The following TDRD7 variants were observed in gnomAD, a reference collection of about 807,000 sequenced individuals.
TDRD7 encodes the protein tudor domain-containing protein 7.
In TDRD7, 47 loss-of-function variants were observed where a neutral mutation model predicts 109.8. The ratio of observed to expected loss-of-function variants is 0.43; its 90% CI spans 0.34 to 0.55. The LOEUF (loss-of-function observed/expected upper bound fraction) is 0.55, where lower values mean the gene tolerates loss of function less well. TDRD7 is among the 20% of genes least tolerant of loss of function. The probability of loss-of-function intolerance (pLI) is 0.03; values close to 1 mark genes in which losing one functional copy is unlikely to be tolerated. For missense variants in TDRD7, 1,164 were observed against 1,319.2 expected, an observed-to-expected ratio of 0.88 and a Z score of 1.82; for synonymous variants, 424 against 457.3, an observed-to-expected ratio of 0.93 and a Z score of 0.93.
At chr9:97,445,327 C>A (rs1828382395) in intron 6 of TDRD7, among the ~76,000 whole-genome samples, 1 of 152,118 alleles carries the variant, frequency 6.6e-6, no homozygotes, top group Non-Finnish European at 1.5e-5. Flanking sequence ...GTGTGCTAGC[C>A]ACTGACCTGG....
At position 97,432,066 on chromosome 9, in the gene TDRD7, A is replaced by G. The variant is rs200841827; in HGVS notation, c.391A>G (p.Asn131Asp). 1.7e-4 allele frequency: 281 copies of G among 1,613,858 alleles called. No individual in the cohort carries two copies. The East Asian group carries it at 5.9e-3, about 34-fold the overall frequency. Reference protein sequence around the residue: ...ATLRQPGFASNFSVGKKPNPA... With the variant: ...ATLRQPGFASDFSVGKKPNPA... ...CCTCAGACAACCAGGATTTGCTTCA[A>G]ATTTTTCTGTTGGCAAAAAACCTAA... The change falls in exon 4 of 17, where the codon AAT (asparagine) becomes GAT (aspartate). Residue 131 changes from asparagine (N) to aspartate (D), a missense_variant. Physicochemically the swap from Asn to Asp is conservative, Grantham distance 23. Transcript: ENST00000355295.
intron 16 of TDRD7, among the ~76,000 whole-genome samples, chr9:97,493,684 T>G (rs910482599): frequency 6.6e-6 from 1 of 152,156 alleles, no homozygotes; most frequent in Non-Finnish European, 1.5e-5. Flanking sequence ...TACAGGAGAC[T>G]GGGGCTTATT....
intron 6 of TDRD7, among the ~76,000 whole-genome samples, chr9:97,449,985 G>A (rs1564202348): frequency 6.6e-6 from 1 of 152,174 alleles, no homozygotes; most frequent in East Asian, 1.9e-4. Context: ...TGAGGGAAGT[G>A]TCTCATTCAA....
chr9:97,486,461 C>T (rs1229037780), intron 15 of TDRD7, among the ~76,000 whole-genome samples: 2 of 152,130 alleles, frequency 1.3e-5, no homozygotes, highest in Admixed American at 6.6e-5. Context: ...CTCCACCTCC[C>T]TCATACTCCT....
Position 97,441,922 on chromosome 9 carries a change from A to G in TDRD7, c.855+47A>G. ...CCTTCTGATACCTCCTCCCTGCCCA[A>G]CTTTGAGATCTTGAGTTATTAGTCA... is the stretch of plus-strand genomic sequence containing the variant. On this transcript the variant is annotated intron_variant, in intron 6 of 16. Coordinates refer to ENST00000355295, the MANE Select transcript of TDRD7 (RefSeq NM_014290.3). The G allele has an allele frequency of 2.7e-6, 4 of 1,504,802 alleles. No homozygotes were observed. In the South Asian group the frequency reaches 4.5e-5, roughly 17 times the overall value. 93.2% of individuals were successfully genotyped at this position (1,504,802 alleles called of 1,614,324 possible).
intron 1 of TDRD7, among the ~76,000 whole-genome samples, chr9:97,420,247 G>A (rs1463001809): frequency 6.6e-6 from 1 of 151,704 alleles, no homozygotes; most frequent in Non-Finnish European, 1.5e-5. Flanking sequence ...AAAGCACTAG[G>A]CAAAAATAAT....
chr9:97,473,431 A>G, intron 10 of TDRD7, 61 bp from the exon 11 acceptor site: 3 of 1,608,928 alleles, frequency 1.9e-6, no homozygotes, highest in Admixed American at 1.7e-5. Flanking sequence ...GATACCCTTT[A>G]GGTAGGTAAG....
intron 6 of TDRD7, among the ~76,000 whole-genome samples, chr9:97,444,714 T>C (rs1397619613): frequency 6.6e-6 from 1 of 152,036 alleles, no homozygotes; most frequent in Non-Finnish European, 1.5e-5. Flanking sequence ...TTTTTAAGGG[T>C]TTTTTCCTCC....
intron 9 of TDRD7, 67 bp from the exon 10 acceptor site, chr9:97,472,226 A>G (rs1376976132): frequency 7.3e-7 from 1 of 1,364,844 alleles, no homozygotes; most frequent in African/African-American, 1.4e-5. Flanking sequence ...AACAGACACA[A>G]TCCATCTATT....
intron 7 of TDRD7, 84 bp downstream of exon 7, chr9:97,460,848 G>A: frequency 3.8e-6 from 5 of 1,331,086 alleles, no homozygotes; most frequent in East Asian, 2.4e-5. Context: ...AGGGTTAAAG[G>A]AAGAATAATA....
intron 6 of TDRD7, among the ~76,000 whole-genome samples, chr9:97,452,197 G>A (rs561409264): frequency 3.3e-5 from 5 of 152,150 alleles, no homozygotes; most frequent in Non-Finnish European, 7.4e-5. Flanking sequence ...CTGGGCAACG[G>A]AACAAGTCCC....
At position 97,460,444 on chromosome 9, in the gene TDRD7, T is replaced by G; in HGVS notation, c.1122T>G (p.Pro374=). The stretch of plus-strand genomic sequence containing the variant: ...AGGAAATGTACAAAGTGAAATTCCC[T>G]GAGGATGCCTTAAAAAATCTTGCCT... ...AFEEMYKVKF[P]EDALKNLASL... Residue 374 remains proline (P), a synonymous_variant, in exon 7 of 17, where the codon CCT becomes CCG. Transcript: ENST00000355295. 6.2e-7 allele frequency: 1 copy of G among 1,614,232 alleles called. No homozygotes were observed. Among genetic ancestry groups the G allele is most frequent in the African/African-American group, 1.3e-5 (1 of 75,072 alleles).
intron 1 of TDRD7, among the ~76,000 whole-genome samples, chr9:97,414,535 A>G (rs1827780331): frequency 6.6e-6 from 1 of 152,242 alleles, no homozygotes; most frequent in Non-Finnish European, 1.5e-5. Flanking sequence ...GGTAATCAGT[A>G]GCGGAACTAG....
Position 97,428,417 on chromosome 9 carries a change from CGAAT to C in TDRD7, c.-6-40_-6-37del, listed in dbSNP as rs1184140339. 2.5e-6 allele frequency: 4 copies of C among 1,575,952 alleles called. No individual in the cohort carries two copies. In the Admixed American group the frequency reaches 5.0e-5, roughly 20 times the overall value. On this transcript the variant is annotated intron_variant, in intron 1 of 16. Coordinates refer to ENST00000355295, the MANE Select transcript of TDRD7 (RefSeq NM_014290.3). ...CTGAAAATCTATTTGAATTCACAAACGAATGAGCCATATTATAGTAACCTTCTAC... is the reference window on the plus strand; with the variant it reads ...CTGAAAATCTATTTGAATTCACAAACGAGCCATATTATAGTAACCTTCTAC...
chr9:97,452,810 A>G (rs1654894722), intron 6 of TDRD7, among the ~76,000 whole-genome samples: 1 of 152,160 alleles, frequency 6.6e-6, no homozygotes, highest in Non-Finnish European at 1.5e-5. Context: ...CCCTGGACCA[A>G]CTCAAGTGGA....
chr9:97,440,713 C>T (rs1301118229), intron 5 of TDRD7, among the ~76,000 whole-genome samples: 1 of 152,134 alleles, frequency 6.6e-6, no homozygotes, highest in East Asian at 1.9e-4. Flanking sequence ...CTGTCTCTAC[C>T]TGCAAATTAA....
At chr9:97,438,730 A>G (rs1009091286) in intron 4 of TDRD7, among the ~76,000 whole-genome samples, 8 of 152,050 alleles carry the variant, frequency 5.3e-5, no homozygotes, top group Admixed American at 5.2e-4. Flanking sequence ...CCAGTCCCTC[A>G]CCTGTCTGTT....
intron 8 of TDRD7, among the ~76,000 whole-genome samples, chr9:97,465,563 C>T (rs1028520125): frequency 6.6e-6 from 1 of 152,224 alleles, no homozygotes; most frequent in African/African-American, 2.4e-5. Context: ...GGATATCAGC[C>T]TCTGCCCTTT....
At chr9:97,430,552 G>A (rs929580255) in intron 2 of TDRD7, among the ~76,000 whole-genome samples, 4 of 152,130 alleles carry the variant, frequency 2.6e-5, no homozygotes, top group East Asian at 1.9e-4. Context: ...TAACTTTCCC[G>A]AGCCTCTGCA....
Sources: gnomAD v4.1 joint callset for allele counts (sites outside exome capture counted in the v4.1 genomes callset) on GRCh38, gnomAD v4.1.1 for gene constraint, MANE v1.5 for transcripts, NCBI Gene and HGNC (gene_info 2026-07-23, HGNC 2026-07-21) for gene names.